Variants in SLC25A26 observed in about 807,000 individuals in gnomAD.
The protein encoded by SLC25A26 is mitochondrial S-adenosylmethionine carrier protein.
In SLC25A26, 36 loss-of-function variants were observed where a neutral mutation model predicts 37.8. The observed-to-expected ratio is 0.95, with a 90% CI of 0.73 to 1.26. SLC25A26 has a LOEUF of 1.26. Among genes scored for constraint, SLC25A26 ranks in the 50% most tolerant of loss-of-function variants. The pLI is 0.00. For synonymous variants in SLC25A26, 129 were observed against 122.5 expected (o/e 1.05, Z -0.35); for missense variants, 390 against 331.1 (o/e 1.18, Z -1.38).
chr3:66,315,571 A>G (rs2075514900), intron 5 of SLC25A26, among the ~76,000 whole-genome samples: 1 of 152,176 alleles, frequency 6.6e-6, no homozygotes, highest in Non-Finnish European at 1.5e-5. Context: ...GCCATGTGGC[A>G]CCGAGAAGAA....
intron 6 of SLC25A26, among the ~76,000 whole-genome samples, chr3:66,349,020 T>G (rs775599843): frequency 1.3e-5 from 2 of 152,196 alleles, no homozygotes; most frequent in African/African-American, 2.4e-5. Context: ...TTCTGCACAC[T>G]CTAACATCCT....
intron 6 of SLC25A26, among the ~76,000 whole-genome samples, chr3:66,348,938 C>T (rs975432114): frequency 6.6e-6 from 1 of 152,132 alleles, no homozygotes; most frequent in African/African-American, 2.4e-5. Context: ...GACAAAAGAA[C>T]AATGAAGCCA....
In SLC25A26 at chr3:66,272,932, T is replaced by C. The variant is rs1038442384; in HGVS notation, c.453+9553T>C. Among the ~76,000 whole-genome samples, 39 of 152,274 alleles carry C rather than the reference T, an allele frequency of 2.6e-4. 1 individual carries two copies. The highest frequency in any genetic ancestry group is 2.2e-3 in the Admixed American group (34 of 15,282). On this transcript the variant is annotated intron_variant, in intron 5 of 9. Transcript: ENST00000354883. ...CAGTATGATATTGGCTGTGGGTTTG[T>C]CATAGATAGCTCTTATTATTTTGAG...
intron 5 of SLC25A26, among the ~76,000 whole-genome samples, chr3:66,324,797 G>GTTT (rs397805698): frequency 0.037 from 5,497 of 147,218 alleles, 275 homozygotes; most frequent in Admixed American, 0.14. Flanking sequence ...GTAAGCACAG[G>GTTT]TTTTTTTTTT....
At chr3:66,294,539 T>C (rs899304546) in intron 5 of SLC25A26, among the ~76,000 whole-genome samples, 1 of 152,190 alleles carries the variant, frequency 6.6e-6, no homozygotes, top group African/African-American at 2.4e-5. Context: ...GTAGTATTTG[T>C]TTATTTATTT....
intron 1 of SLC25A26, among the ~76,000 whole-genome samples, chr3:66,143,087 C>G (rs1006906554): frequency 6.6e-6 from 1 of 151,982 alleles, no homozygotes; most frequent in East Asian, 1.9e-4. Flanking sequence ...TTATTGCAAG[C>G]GCCTCAGCTA....
intron 2 of SLC25A26, among the ~76,000 whole-genome samples, chr3:66,239,840 T>TTTTTTA (rs1553666447): frequency 7.2e-6 from 1 of 138,296 alleles, no homozygotes; most frequent in African/African-American, 2.7e-5. Flanking sequence ...TTTTTTTTTT[T>TTTTTTA]AACAGTGGAT....
intron 1 of SLC25A26, among the ~76,000 whole-genome samples, chr3:66,141,045 A>T (rs1276288673): frequency 3.7e-5 from 5 of 136,350 alleles, no homozygotes; most frequent in Non-Finnish European, 7.7e-5. Flanking sequence ...TCAGTATAGA[A>T]ACAGGACACA....
intron 1 of SLC25A26, among the ~76,000 whole-genome samples, chr3:66,138,438 A>G (rs1462697973): frequency 1.3e-5 from 2 of 152,082 alleles, no homozygotes; most frequent in African/African-American, 2.4e-5. Flanking sequence ...TACACATGCA[A>G]TTTTGCAACC....
intron 1 of SLC25A26, among the ~76,000 whole-genome samples, chr3:66,209,239 C>A (rs2071237688): frequency 7.4e-6 from 1 of 135,568 alleles, no homozygotes; most frequent in Non-Finnish European, 1.6e-5. Context: ...TAACGATATA[C>A]CCATATAAAG....
intron 1 of SLC25A26, among the ~76,000 whole-genome samples, chr3:66,235,135 A>C (rs889115339): frequency 1.3e-5 from 2 of 152,204 alleles, no homozygotes; most frequent in Non-Finnish European, 1.5e-5. Context: ...TGAAACAACT[A>C]ATGATCCTTG....
intron 1 of SLC25A26, among the ~76,000 whole-genome samples, chr3:66,144,590 TAAG>T (rs2070087165): frequency 6.6e-6 from 1 of 152,084 alleles, no homozygotes; most frequent in East Asian, 1.9e-4. Context: ...TAACGAGTGG[TAAG>T]AAGCATACCA....
intron 3 of SLC25A26, among the ~76,000 whole-genome samples, chr3:66,260,415 A>G (rs996027244): frequency 5.3e-5 from 8 of 152,236 alleles, no homozygotes; most frequent in African/African-American, 1.7e-4. Context: ...GAAGCATTCA[A>G]ATGTTCAGTG....
At chr3:66,370,897 A>G (rs1700311736) in intron 9 of SLC25A26, among the ~76,000 whole-genome samples, 1 of 152,332 alleles carries the variant, frequency 6.6e-6, no homozygotes, top group South Asian at 2.1e-4. Flanking sequence ...GGCTTCTCAG[A>G]GGTTACACAG....
intron 1 of SLC25A26, among the ~76,000 whole-genome samples, chr3:66,208,870 G>GTGTGTATATATATA (rs1364331517): frequency 8.9e-5 from 5 of 55,902 alleles, no homozygotes; most frequent in African/African-American, 2.3e-4. Context: ...ATGGGTGTGT[G>GTGTGTATATATATA]TATATATATA....
chr3:66,175,817 C>T (rs2070578551), intron 1 of SLC25A26, among the ~76,000 whole-genome samples: 1 of 152,230 alleles, frequency 6.6e-6, no homozygotes, highest in Admixed American at 6.5e-5. Flanking sequence ...ATGAGGCCCA[C>T]ACACATTAGG....
At chr3:66,221,864 A>G (rs145525640) in intron 1 of SLC25A26, among the ~76,000 whole-genome samples, 124,157 of 150,374 alleles carry the variant, frequency 0.83, 52,079 homozygotes, top group Middle Eastern at 0.92. Flanking sequence ...AGAGACAGAC[A>G]AATAATTTTT....
intron 3 of SLC25A26, among the ~76,000 whole-genome samples, chr3:66,261,362 A>G (rs769147650): frequency 2.0e-5 from 3 of 152,044 alleles, no homozygotes; most frequent in Admixed American, 6.6e-5. Flanking sequence ...TATTGTTTCT[A>G]TTTCTGAAAA....
intron 5 of SLC25A26, among the ~76,000 whole-genome samples, chr3:66,281,729 A>AT (rs1224200547): frequency 1.3e-5 from 2 of 151,282 alleles, no homozygotes; most frequent in Non-Finnish European, 2.9e-5. Flanking sequence ...TACCATTAGT[A>AT]TTATTCTTTT....
Sources: gnomAD v4.1 joint callset for allele counts (sites outside exome capture counted in the v4.1 genomes callset) on GRCh38, gnomAD v4.1.1 for gene constraint, MANE v1.5 for transcripts, NCBI Gene and HGNC (gene_info 2026-07-23, HGNC 2026-07-21) for gene names.